The following LMBRD1 variants were observed in gnomAD, a reference collection of about 807,000 sequenced individuals.
The protein encoded by LMBRD1 is LMBR1 domain containing 1.
Under a neutral mutation model 74.8 loss-of-function variants are expected in LMBRD1, and 64 were observed. The ratio of observed to expected loss-of-function variants is 0.86; its 90% confidence interval spans 0.70 to 1.05. LMBRD1 has a LOEUF of 1.05. Ranked by LOEUF, LMBRD1 falls within the 50% of genes least tolerant of loss-of-function variation. The pLI, the probability that LMBRD1 is intolerant of heterozygous loss-of-function variation, is 0.00. For missense variants in LMBRD1, 652 were observed against 645.9 expected, an observed-to-expected ratio of 1.01 and a Z score of -0.10; for synonymous variants, 204 against 216.3, an observed-to-expected ratio of 0.94 and a Z score of 0.50.
chr6:69,784,829 C>T (rs1171703197), intron 2 of LMBRD1, among the ~76,000 whole-genome samples: 1 of 152,150 alleles, frequency 6.6e-6, no homozygotes, highest in African/African-American at 2.4e-5. Context: ...ACCTTCTCTC[C>T]CCTCAAAAAT....
chr6:69,718,967 T>C lies in LMBRD1; in HGVS notation c.751A>G (p.Ile251Val). Residue 251 changes from isoleucine to valine, a missense_variant, in exon 8 of 16, where the codon ATT becomes GTT. Transcript: ENST00000649934. The part of the protein sequence containing the change: ...IEEVEQHIQT[I>V]KSKSKDGRPL... ...AAACATCAACTCACTTTTGATTTAATCGTTTGAATGTGTTGTTCTACTTCT... is the reference window on the plus strand; with the variant it reads ...AAACATCAACTCACTTTTGATTTAACCGTTTGAATGTGTTGTTCTACTTCT... 1 of 1,613,490 alleles carries C rather than the reference T, an allele frequency of 6.2e-7. No homozygotes were observed. The highest frequency in any genetic ancestry group is 8.5e-7 in the Non-Finnish European group (1 of 1,179,638).
chr6:69,718,319 A>T (rs1766536595), intron 8 of LMBRD1, among the ~76,000 whole-genome samples: 2 of 152,180 alleles, frequency 1.3e-5, no homozygotes, highest in Non-Finnish European at 2.9e-5. Context: ...GATACCTGAG[A>T]ACTAGTAAGT....
intron 9 of LMBRD1, among the ~76,000 whole-genome samples, 182 bp from the exon 10 acceptor site, chr6:69,702,135 T>C (rs1258652933): frequency 6.6e-6 from 1 of 151,928 alleles, no homozygotes; most frequent in East Asian, 1.9e-4. Flanking sequence ...TATGAGACTA[T>C]TTGATTGAGA....
chr6:69,745,914 G>A (rs1562109759), intron 5 of LMBRD1: 1 of 219,266 alleles, frequency 4.6e-6, no homozygotes, highest in East Asian at 1.1e-4. Context: ...GGCCATAGTG[G>A]TGCCTGGTCA....
At position 69,744,034 on chromosome 6, in the gene LMBRD1, T is replaced by C. The variant is rs12175091; in HGVS notation, c.474-2157A>G. On this transcript the variant is annotated intron_variant, in intron 5 of 15. Coordinates refer to ENST00000649934, the MANE Select transcript of LMBRD1 (RefSeq NM_018368.4). ...ACTGAAGTCCAATAAAGTTATAATA[T>C]AGATATATCAGTTCTGAGGAAAGAA... Among the ~76,000 whole-genome samples, 25 of 152,268 alleles carry C rather than the reference T, an allele frequency of 1.6e-4. No homozygotes were observed. The East Asian group carries it at 4.6e-3, about 28-fold the overall frequency.
In LMBRD1 at chr6:69,697,654, A is replaced by G. The variant is rs776676067; in HGVS notation, c.1339-13T>C. On this transcript the variant is annotated splice_polypyrimidine_tract_variant and intron_variant, in intron 13 of 15. Transcript: ENST00000649934. ...AAGTTATATTAGTCTGAAAGATAAA[A>G]ATACAGTTAAAATATAAAAACCGCA... The G allele has an allele frequency of 1.4e-6, 2 of 1,462,702 alleles. No individual in the cohort carries two copies. The highest frequency in any genetic ancestry group is 1.9e-6 in the Non-Finnish European group (2 of 1,044,894). 90.6% of individuals were successfully genotyped at this position (1,462,702 alleles called of 1,614,324 possible). A position where few individuals can be genotyped will look rare whatever the true frequency, so the allele number is the denominator to read the frequency against.
intron 3 of LMBRD1, among the ~76,000 whole-genome samples, chr6:69,766,281 G>A (rs1765473489): frequency 1.3e-5 from 2 of 151,906 alleles, no homozygotes; most frequent in African/African-American, 2.4e-5. Flanking sequence ...TCACCACTAA[G>A]TATAATGTAG....
At chr6:69,761,117 A>G (rs1050514211) in intron 3 of LMBRD1, among the ~76,000 whole-genome samples, 19 of 152,240 alleles carry the variant, frequency 1.2e-4, no homozygotes, top group African/African-American at 4.1e-4. Context: ...GATAACTAGT[A>G]CAACTGCTGA....
intron 8 of LMBRD1, among the ~76,000 whole-genome samples, chr6:69,717,917 C>A (rs1440807731): frequency 6.6e-6 from 1 of 151,978 alleles, no homozygotes; most frequent in Non-Finnish European, 1.5e-5. Context: ...CAAGCTGGTA[C>A]CAAAATCCTA....
At chr6:69,713,906 G>A in intron 8 of LMBRD1, 109 bp from the exon 9 acceptor site, 1 of 1,175,048 alleles carries the variant, frequency 8.5e-7, no homozygotes, top group Non-Finnish European at 1.2e-6. Flanking sequence ...ACACTCTTTA[G>A]GCAAATTTAC....
chr6:69,748,687 TG>T (rs1207129050), intron 5 of LMBRD1, among the ~76,000 whole-genome samples: 1 of 152,018 alleles, frequency 6.6e-6, no homozygotes, highest in African/African-American at 2.4e-5. Flanking sequence ...ACATAAAAAA[TG>T]AGACTAATGA....
chr6:69,780,822 T>A (rs772869085), intron 2 of LMBRD1, among the ~76,000 whole-genome samples: 2 of 152,008 alleles, frequency 1.3e-5, no homozygotes, highest in African/African-American at 4.8e-5. Flanking sequence ...ATGACTAAAC[T>A]GAGACCTGAA....
chr6:69,796,696 C>G, intron 1 of LMBRD1, 117 bp downstream of exon 1: 4 of 970,910 alleles, frequency 4.1e-6, no homozygotes, highest in Non-Finnish European at 6.5e-6. Flanking sequence ...ACAGTCCAAG[C>G]TAAAAGCGGG....
At chr6:69,793,109 C>CT (rs1401140935) in intron 1 of LMBRD1, among the ~76,000 whole-genome samples, 2 of 152,110 alleles carry the variant, frequency 1.3e-5, no homozygotes, top group African/African-American at 4.8e-5. Flanking sequence ...ATAGTAACTG[C>CT]TTAACAAACA....
chr6:69,685,398 T>C (rs990769911), intron 14 of LMBRD1, among the ~76,000 whole-genome samples: 4 of 152,182 alleles, frequency 2.6e-5, no homozygotes, highest in African/African-American at 4.8e-5. Context: ...GGGGAGCACT[T>C]ACAGTTTTTA....
chr6:69,752,686 T>C (rs1765185288), intron 3 of LMBRD1, among the ~76,000 whole-genome samples: 1 of 152,230 alleles, frequency 6.6e-6, no homozygotes, highest in South Asian at 2.1e-4. Context: ...GAACGTCCTA[T>C]AAACCATCCC....
At chr6:69,738,943 T>C (rs1767035534) in intron 6 of LMBRD1, among the ~76,000 whole-genome samples, 1 of 152,172 alleles carries the variant, frequency 6.6e-6, no homozygotes, top group Admixed American at 6.5e-5. Flanking sequence ...GTCTCAGTTT[T>C]GTATAACACA....
intron 2 of LMBRD1, among the ~76,000 whole-genome samples, chr6:69,788,487 C>T (rs1431784021): frequency 2.0e-5 from 3 of 151,952 alleles, no homozygotes; most frequent in Non-Finnish European, 4.4e-5. Flanking sequence ...ATCCAAGAAA[C>T]AAAGCGATAT....
rs1184564414 is a variant in LMBRD1, at chr6:69,777,434, G to A, written c.307+3060C>T. 3.0e-5 allele frequency among the ~76,000 whole-genome samples: 4 copies of A among 133,866 alleles called. No homozygotes were observed. The Admixed American group carries it at 3.2e-4, about 11-fold the overall frequency. The allele number at this position is 133,866 out of a possible 152,430, so 87.8% of individuals were successfully genotyped here. A position where few individuals can be genotyped will look rare whatever the true frequency, so the allele number is the denominator to read the frequency against. On this transcript the variant is annotated intron_variant, in intron 3 of 15. Coordinates refer to ENST00000649934, the MANE Select transcript of LMBRD1 (RefSeq NM_018368.4). ...CACTTCAGCCTGCGCAACAGAGCAA[G>A]ACTCTGTTGCAAAAAAAAAAAAAAA...
Sources: allele counts gnomAD v4.1 joint callset (sites outside exome capture counted in the v4.1 genomes callset), GRCh38; gene constraint gnomAD v4.1.1; transcripts MANE v1.5; gene names NCBI Gene and HGNC (gene_info 2026-07-23, HGNC 2026-07-21).